Variants in CLYBL observed in about 807,000 individuals in gnomAD.
CLYBL encodes citramalyl-CoA lyase, mitochondrial.
CLYBL carries 31 observed loss-of-function variants against 38.9 expected under a neutral mutation model. The observed-to-expected ratio is 0.80, with a 90% CI of 0.60 to 1.08. The LOEUF is 1.08. CLYBL is among the 50% of genes least tolerant of loss of function. CLYBL has a pLI of 0.00. For synonymous variants in CLYBL, 171 were observed against 158.6 expected (o/e 1.08, Z -0.59); for missense variants, 434 against 411.6 (o/e 1.05, Z -0.47).
At chr13:99,836,172 G>T (rs945315103) in intron 2 of CLYBL, among the ~76,000 whole-genome samples, 15 of 152,116 alleles carry the variant, frequency 9.9e-5, no homozygotes, top group Non-Finnish European at 1.5e-4. Flanking sequence ...AGTATGAGGG[G>T]GACTTGAAAG....
chr13:99,818,324 ACT>A (rs201529119), intron 2 of CLYBL, among the ~76,000 whole-genome samples: 3,680 of 151,940 alleles, frequency 0.024, 70 homozygotes, highest in Middle Eastern at 0.044. Flanking sequence ...AAAACTTTTC[ACT>A]CTCTGTGTTC....
chr13:99,906,436 C>CT (rs11435009), intron 9 of CLYBL, among the ~76,000 whole-genome samples: 117,723 of 149,912 alleles, frequency 0.79, 46,445 homozygotes, highest in Admixed American at 0.85. Context: ...TTTGAGTTTT[C>CT]TTTTTTTTTT....
In CLYBL at chr13:99,811,269, C is replaced by T. The variant is rs140810037; in HGVS notation, c.249+38259C>T. ...GTCAAGTGCCCATTATCCAGGTAAG[C>T]AGGCTCTCCCTAGGAGACCAAAAAT... On this transcript the variant is annotated intron_variant, in intron 2 of 8. Coordinates refer to ENST00000339105, the MANE Select transcript of CLYBL (RefSeq NM_206808.5). 2.3e-3 allele frequency among the ~76,000 whole-genome samples: 348 copies of T among 152,318 alleles called. 3 individuals carry two copies. The highest frequency in any genetic ancestry group is 7.5e-3 in the African/African-American group (313 of 41,580).
chr13:99,618,114 T>C (rs1221112455), intron 1 of CLYBL, among the ~76,000 whole-genome samples: 1 of 152,154 alleles, frequency 6.6e-6, no homozygotes, highest in Admixed American at 6.5e-5. Flanking sequence ...CCATTGCTAC[T>C]ATATATCCAG....
chr13:99,853,471 T>G (rs1216094490), intron 2 of CLYBL, among the ~76,000 whole-genome samples: 4 of 152,224 alleles, frequency 2.6e-5, no homozygotes, highest in African/African-American at 4.8e-5. Context: ...CACATACAAT[T>G]TTAAGCCAGT....
chr13:99,768,878 G>T (rs975029279), intron 1 of CLYBL, among the ~76,000 whole-genome samples: 2 of 152,066 alleles, frequency 1.3e-5, no homozygotes, highest in African/African-American at 4.8e-5. Flanking sequence ...CTATATATAT[G>T]TGTTTGTTTT....
At chr13:99,669,135 G>A (rs1228445867) in intron 1 of CLYBL, among the ~76,000 whole-genome samples, 1 of 151,936 alleles carries the variant, frequency 6.6e-6, no homozygotes, top group Non-Finnish European at 1.5e-5. Context: ...CCAAGTAGCT[G>A]GAACTACAGG....
intron 2 of CLYBL, among the ~76,000 whole-genome samples, chr13:99,828,903 G>C (rs909019672): frequency 6.6e-6 from 1 of 152,146 alleles, no homozygotes; most frequent in Non-Finnish European, 1.5e-5. Flanking sequence ...TGCTGAATTA[G>C]AGATTGGCTG....
chr13:99,854,936 G>A (rs769514786), intron 2 of CLYBL, among the ~76,000 whole-genome samples: 1 of 152,142 alleles, frequency 6.6e-6, no homozygotes. Flanking sequence ...GAGCAGCATG[G>A]CACGAAATAT....
chr13:99,615,400 A>T (rs2046693497), intron 1 of CLYBL, among the ~76,000 whole-genome samples: 1 of 152,202 alleles, frequency 6.6e-6, no homozygotes, highest in Non-Finnish European at 1.5e-5. Flanking sequence ...CTCCTTGGGG[A>T]GGAGCTATTA....
chr13:99,896,058 C>T (rs1004394863), downstream of CLYBL: 1 of 151,316 alleles, frequency 6.6e-6, no homozygotes, highest in African/African-American at 2.4e-5. Context: ...CCTGCGGAGC[C>T]CCGAGGCCTC....
chr13:99,672,202 CT>C (rs75680397), intron 1 of CLYBL, among the ~76,000 whole-genome samples: 3,408 of 131,102 alleles, frequency 0.026, 77 homozygotes, highest in African/African-American at 0.086. Flanking sequence ...TTTTTTTTTT[CT>C]TTTTTTTTTT....
intron 2 of CLYBL, among the ~76,000 whole-genome samples, chr13:99,852,644 A>G (rs529357448): frequency 1.3e-5 from 2 of 152,346 alleles, no homozygotes; most frequent in Admixed American, 6.5e-5. Context: ...ATATTCAAAT[A>G]TATACAAATG....
chr13:99,640,837 A>G (rs1594096754), intron 1 of CLYBL, among the ~76,000 whole-genome samples: 1 of 152,248 alleles, frequency 6.6e-6, no homozygotes, highest in African/African-American at 2.4e-5. Context: ...ATGTACCCAG[A>G]TATAGACCTA....
intron 2 of CLYBL, among the ~76,000 whole-genome samples, chr13:99,839,418 C>T (rs1188747059): frequency 6.6e-6 from 1 of 152,232 alleles, no homozygotes; most frequent in Non-Finnish European, 1.5e-5. Context: ...GATGGCAGGG[C>T]TCTTGCCTTG....
chr13:99,698,074 T>G (rs539197762), intron 1 of CLYBL, among the ~76,000 whole-genome samples: 9 of 152,330 alleles, frequency 5.9e-5, no homozygotes, highest in African/African-American at 2.2e-4. Context: ...GGCCTAATAC[T>G]AAATTTCAGG....
chr13:99,730,185 G>C (rs1023799836), intron 1 of CLYBL, among the ~76,000 whole-genome samples: 6 of 152,228 alleles, frequency 3.9e-5, no homozygotes, highest in African/African-American at 1.4e-4. Flanking sequence ...GGTGCACCCA[G>C]GACACTCAGG....
intron 1 of CLYBL, among the ~76,000 whole-genome samples, chr13:99,754,898 ATC>A (rs199816942): frequency 0.02 from 2,803 of 138,174 alleles, 78 homozygotes; most frequent in African/African-American, 0.073. Flanking sequence ...AGCCTAGATG[ATC>A]TCTTTTTTTT....
At chr13:99,839,469 C>T (rs1594213825) in intron 2 of CLYBL, among the ~76,000 whole-genome samples, 3 of 152,292 alleles carry the variant, frequency 2.0e-5, no homozygotes, top group Middle Eastern at 3.4e-3. Context: ...CTTCCCAACT[C>T]CAAGACTCTG....
Sources: allele counts gnomAD v4.1 joint callset (sites outside exome capture counted in the v4.1 genomes callset), GRCh38; gene constraint gnomAD v4.1.1; transcripts MANE v1.5; gene names NCBI Gene and HGNC (gene_info 2026-07-23, HGNC 2026-07-21).